The following CD22 variants were observed in gnomAD, a reference collection of about 807,000 sequenced individuals.
The protein encoded by CD22 is B-cell receptor CD22.
In CD22, 51 loss-of-function variants were observed where a neutral mutation model predicts 94.7. The observed-to-expected ratio is 0.54, with a 90% CI of 0.43 to 0.68. CD22 has a LOEUF of 0.68. Among genes scored for constraint, CD22 ranks in the 30% least tolerant of loss-of-function variants. The probability of loss-of-function intolerance (pLI) is 0.00; values close to 1 mark genes in which losing one functional copy is unlikely to be tolerated. For missense variants in CD22, 931 were observed against 1,060.4 expected (o/e 0.88, Z 1.69); for synonymous variants, 424 against 422.5 (o/e 1.00, Z -0.04).
chr19:35,344,750 T>C, intron 9 of CD22, 79 bp from the exon 10 acceptor site: 1 of 1,047,882 alleles, frequency 9.5e-7, no homozygotes, highest in Admixed American at 2.1e-5. Context: ...CAGAGAGAAG[T>C]CCAGGATGCC....
At chr19:35,332,249 A>C (rs954584886) in intron 2 of CD22, 175 bp downstream of exon 2, 1 of 675,760 alleles carries the variant, frequency 1.5e-6, no homozygotes, top group East Asian at 2.8e-5. Flanking sequence ...CACTTCTCTC[A>C]TTGCATCCTG....
intron 1 of CD22, chr19:35,329,979 A>G (rs1335063947): frequency 6.6e-6 from 1 of 152,242 alleles, no homozygotes; most frequent in Non-Finnish European, 1.5e-5. Flanking sequence ...ATGTCTAGAG[A>G]TTAATGGTGT....
Position 35,341,804 on chromosome 19 carries a change from C to T in CD22, c.1874C>T (p.Ser625Phe), listed in dbSNP as rs760099567. The T allele has an allele frequency of 2.7e-5, 43 of 1,613,764 alleles. No homozygotes were observed. The highest frequency in any genetic ancestry group is 1.6e-4 in the Middle Eastern group (1 of 6,084). ...GAGAGCGACGCCAACCCTCCCGTCT[C>T]CCACTACACCTGGTTTGACTGGAAT... Reference protein sequence around the residue: ...TCESDANPPVSHYTWFDWNNQ... With the variant: ...TCESDANPPVFHYTWFDWNNQ... Residue 625 changes from serine (S) to phenylalanine (F), a missense_variant, in exon 9 of 14, where the codon TCC becomes TTC. Ser to Phe is a radical substitution (Grantham distance 155, BLOSUM62 -2). Coordinates refer to ENST00000085219, the MANE Select transcript of CD22 (RefSeq NM_001771.4). The surrounding 1 kb of genome is among the most constrained non-coding windows in gnomAD (Gnocchi z 4.0).
chr19:35,330,963 C>A (rs970741538), intron 1 of CD22: 1 of 152,098 alleles, frequency 6.6e-6, no homozygotes, highest in Non-Finnish European at 1.5e-5. Context: ...GCCCTGTCGC[C>A]CAGGCTGGAG....
intron 1 of CD22, among the ~76,000 whole-genome samples, chr19:35,331,232 T>G (rs1011411213): frequency 6.6e-6 from 1 of 152,134 alleles, no homozygotes; most frequent in Non-Finnish European, 1.5e-5. Context: ...TCACCCATAC[T>G]TTGTTACTGG....
At chr19:35,331,394 T>A (rs1351406411) in intron 1 of CD22, among the ~76,000 whole-genome samples, 1 of 152,170 alleles carries the variant, frequency 6.6e-6, no homozygotes, top group Non-Finnish European at 1.5e-5. Flanking sequence ...ACTCAAAGCC[T>A]GTGAGCCAGG....
rs2066664733 is a variant in CD22 at position 35,332,886 on chromosome 19, C to A, written c.374C>A (p.Thr125Asn). 6.2e-7 allele frequency: 1 copy of A among 1,614,072 alleles called. No individual in the cohort carries two copies. Among genetic ancestry groups the A allele is most frequent in the African/African-American group, 1.3e-5 (1 of 74,920 alleles). Residue 125 changes from threonine (T) to asparagine (N), a missense_variant, in exon 3 of 14, where the codon ACT (threonine) becomes AAT (asparagine). By Grantham distance (65) the Thr-to-Asn change is moderately conservative. Transcript: ENST00000085219. ...CTGGGGCTGAGGATGGAGTCCAAGA[C>A]TGAGAAATGGATGGAACGAATACAC... The part of the protein sequence containing the change: ...GQLGLRMESK[T>N]EKWMERIHLN...
intron 4 of CD22, chr19:35,336,739 T>C (rs961764385): frequency 1.5e-5 from 3 of 200,768 alleles, no homozygotes; most frequent in African/African-American, 4.7e-5. Flanking sequence ...GCAAAACTCT[T>C]GCCCCACGCG....
At chr19:35,335,751 A>G (rs1310741968) in intron 3 of CD22, among the ~76,000 whole-genome samples, 1 of 145,132 alleles carries the variant, frequency 6.9e-6, no homozygotes, top group African/African-American at 2.6e-5. Flanking sequence ...GCTACTCGGG[A>G]GGCTGAGGCA....
At chr19:35,332,247 TCATTG>T (rs1168637481) in intron 2 of CD22, 173 bp downstream of exon 2, 4 of 681,242 alleles carry the variant, frequency 5.9e-6, no homozygotes, top group African/African-American at 1.8e-5. Context: ...TACACTTCTC[TCATTG>T]CATCCTGCTG....
intron 11 of CD22, 157 bp from the exon 12 acceptor site, chr19:35,345,445 A>AC: frequency 1.9e-6 from 1 of 515,934 alleles, no homozygotes; most frequent in Non-Finnish European, 3.4e-6. Flanking sequence ...AAAAAAAAAA[A>AC]GGGTAGGCAT....
chr19:35,341,201 G>A lies in CD22; in HGVS notation c.1507+63G>A. On this transcript the variant is annotated intron_variant, in intron 7 of 13. Coordinates refer to ENST00000085219, the MANE Select transcript of CD22 (RefSeq NM_001771.4). The surrounding 1 kb of genome is among the most constrained non-coding windows in gnomAD (Gnocchi z 4.0). ...GCCCGGCTGGGATGAGGGGATGAAGGCAACGAGGCCGGAGCCTGGGCCAGT... is the reference window on the plus strand; with the variant it reads ...GCCCGGCTGGGATGAGGGGATGAAGACAACGAGGCCGGAGCCTGGGCCAGT... The A allele has an allele frequency of 6.2e-7, 1 of 1,604,374 alleles. No individual in the cohort carries two copies. Among genetic ancestry groups the A allele is most frequent in the South Asian group, 1.1e-5 (1 of 90,758 alleles).
rs756111081 is a variant in CD22 at position 35,332,630 on chromosome 19, G to A, written c.118G>A (p.Val40Ile). The A allele has an allele frequency of 6.2e-6, 10 of 1,614,068 alleles. No individual in the cohort carries two copies. The highest frequency in any genetic ancestry group is 5.1e-6 in the Non-Finnish European group (6 of 1,180,022). Reference sequence around the variant, plus strand: ...CCTCTACGCCTGGGAGGGGGCCTGCGTCTGGATCCCCTGCACCTACAGAGC... The same window carrying A: ...CCTCTACGCCTGGGAGGGGGCCTGCATCTGGATCCCCTGCACCTACAGAGC... ...ETLYAWEGAC[V>I]WIPCTYRALD... The change falls in exon 3 of 14, where the codon GTC becomes ATC. Residue 40 changes from valine (V) to isoleucine (I), a missense_variant. Physicochemically the swap from Val to Ile is conservative, Grantham distance 29. Transcript: ENST00000085219.
rs182598414 is a variant in CD22 at position 35,331,342 on chromosome 19, T to C, written c.-22-677T>C. Among the ~76,000 whole-genome samples the C allele has an allele frequency of 3.9e-5, 6 of 152,322 alleles. No individual in the cohort carries two copies. In the East Asian group the frequency reaches 1.2e-3, roughly 29 times the overall value. ...AGTAGCACCAGAGAGAGCTCCACGT[T>C]ACCCGGGGCCTGGCATTCAAAGCAC... On this transcript the variant is annotated intron_variant, in intron 1 of 13. Transcript: ENST00000085219.
chr19:35,338,094 G>A, intron 5 of CD22, 73 bp downstream of exon 5: 1 of 1,572,766 alleles, frequency 6.4e-7, no homozygotes, highest in Non-Finnish European at 8.6e-7. Flanking sequence ...GGAGCCACGG[G>A]GGCTCTCGGG....
At chr19:35,342,879 C>T (rs1467584903) in intron 9 of CD22, among the ~76,000 whole-genome samples, 4 of 152,058 alleles carry the variant, frequency 2.6e-5, no homozygotes, top group Admixed American at 6.6e-5. Flanking sequence ...GGCGTGATCA[C>T]GGCTCACTGC....
In CD22 at chr19:35,340,975, C is replaced by T. The variant is rs141116950; in HGVS notation, c.1344C>T (p.Asn448=). 53 of 1,614,106 alleles carry T rather than the reference C, an allele frequency of 3.3e-5. No individual in the cohort carries two copies. Among genetic ancestry groups the T allele is most frequent in the Non-Finnish European group, 4.5e-5 (53 of 1,180,048 alleles). Residue 448 remains asparagine, a synonymous_variant, in exon 7 of 14, where the codon AAC becomes AAT. Coordinates refer to ENST00000085219, the MANE Select transcript of CD22 (RefSeq NM_001771.4). Reference sequence around the variant, plus strand: ...TTTCCTGTAACTACAATTCCAGTAACCCCAGTGTTACCCGGTATGAATGGA... The same window carrying T: ...TTTCCTGTAACTACAATTCCAGTAATCCCAGTGTTACCCGGTATGAATGGA... ...VTLSCNYNSS[N]PSVTRYEWKP...
In CD22 at chr19:35,337,702, C is replaced by A; in HGVS notation, c.719-53C>A. On this transcript the variant is annotated intron_variant, in intron 4 of 13. Transcript: ENST00000085219. The surrounding 1 kb of genome is among the most constrained non-coding windows in gnomAD (Gnocchi z 4.4). ...AGAATAAAAGCACTTTCCACACCCT[C>A]CACCCTCTGAGGATTCCCCGCCCCC... is the stretch of plus-strand genomic sequence containing the variant. The A allele has an allele frequency of 6.6e-7, 1 of 1,509,770 alleles. No individual in the cohort carries two copies. The highest frequency in any genetic ancestry group is 1.2e-5 in the South Asian group (1 of 80,194). The allele number at this position is 1,509,770 out of a possible 1,614,324, so 93.5% of individuals were successfully genotyped here.
chr19:35,341,300 G>A lies in CD22; in HGVS notation c.1508-43G>A, dbSNP rs774557877. On this transcript the variant is annotated intron_variant, in intron 7 of 13. Coordinates refer to ENST00000085219, the MANE Select transcript of CD22 (RefSeq NM_001771.4). This position sits in a 1 kb window ranked among gnomAD's most constrained non-coding sequence, Gnocchi z 4.0. The stretch of plus-strand genomic sequence containing the variant: ...AGGGGAGGCCTGGGGACAGCAAAAG[G>A]GACAGGGAGCGGAGAGGTCAGCTTG... The A allele has an allele frequency of 6.2e-7, 1 of 1,604,230 alleles. No homozygotes were observed. Among genetic ancestry groups the A allele is most frequent in the Non-Finnish European group, 8.5e-7 (1 of 1,173,740 alleles).
Sources: allele counts gnomAD v4.1 joint callset (sites outside exome capture counted in the v4.1 genomes callset), GRCh38; gene constraint gnomAD v4.1.1; non-coding constraint Gnocchi (gnomAD v3.1); transcripts MANE v1.5; gene names NCBI Gene and HGNC (gene_info 2026-07-23, HGNC 2026-07-21).